CCDC170: variants seen among roughly 807,000 people sequenced by gnomAD.
CCDC170 encodes coiled-coil domain-containing protein 170.
CCDC170 carries 69 observed loss-of-function variants against 72.6 expected under a neutral mutation model. The observed-to-expected ratio is 0.95, with a 90% CI of 0.78 to 1.16. The LOEUF is 1.16. Ranked by LOEUF, CCDC170 falls within the 50% of genes most tolerant of loss-of-function variation. The pLI, the probability that CCDC170 is intolerant of heterozygous loss-of-function variation, is 0.00. For missense variants in CCDC170, 852 were observed against 832.5 expected (o/e 1.02, Z -0.29); for synonymous variants, 300 against 303.9 (o/e 0.99, Z 0.13).
chr6:151,534,608 A>G (rs9383580), intron 1 of CCDC170, among the ~76,000 whole-genome samples: 7,587 of 152,160 alleles, frequency 0.05, 669 homozygotes, highest in East Asian at 0.4. Flanking sequence ...CTAATAAGAG[A>G]TTCAGTTAAA....
At chr6:151,568,873 A>AT (rs1776177749) in intron 5 of CCDC170, among the ~76,000 whole-genome samples, 1 of 152,206 alleles carries the variant, frequency 6.6e-6, no homozygotes, top group Admixed American at 6.5e-5. Context: ...CTTTTGCTAT[A>AT]TTATAATTGG....
intron 9 of CCDC170, among the ~76,000 whole-genome samples, chr6:151,605,981 A>G (rs1251835496): frequency 1.3e-5 from 2 of 150,790 alleles, no homozygotes; most frequent in Non-Finnish European, 3.0e-5. Flanking sequence ...AGCTCACTGC[A>G]ACCTCTGCCT....
At chr6:151,530,442 A>T (rs74418838) in intron 1 of CCDC170, among the ~76,000 whole-genome samples, 5,174 of 149,370 alleles carry the variant, frequency 0.035, 191 homozygotes, top group East Asian at 0.22. Context: ...TAATAATAAT[A>T]ATTATTATTA....
intron 1 of CCDC170, among the ~76,000 whole-genome samples, chr6:151,528,579 C>T (rs1782445518): frequency 6.6e-6 from 1 of 152,156 alleles, no homozygotes. Context: ...GGTGTGGTGG[C>T]TCATGCCTGT....
intron 1 of CCDC170, among the ~76,000 whole-genome samples, chr6:151,515,220 A>G (rs2115028985): frequency 6.6e-6 from 1 of 152,356 alleles, no homozygotes; most frequent in African/African-American, 2.4e-5. Flanking sequence ...ACCCTGTTTT[A>G]GGCATTGGCA....
At chr6:151,576,400 A>T (rs1174485120) in intron 6 of CCDC170, among the ~76,000 whole-genome samples, 1 of 151,550 alleles carries the variant, frequency 6.6e-6, no homozygotes, top group Non-Finnish European at 1.5e-5. Context: ...GTACTTCAAT[A>T]GCTAATTTTT....
At chr6:151,583,974 C>A (rs542384000) in intron 6 of CCDC170, among the ~76,000 whole-genome samples, 2 of 152,240 alleles carry the variant, frequency 1.3e-5, no homozygotes, top group East Asian at 3.9e-4. Flanking sequence ...ATAGTAACAT[C>A]AAAGATCTCC....
At chr6:151,500,870 G>A (rs1286531675) in intron 1 of CCDC170, among the ~76,000 whole-genome samples, 1 of 152,084 alleles carries the variant, frequency 6.6e-6, no homozygotes, top group African/African-American at 2.4e-5. Context: ...TTAGTATTTT[G>A]TAGATCAACC....
At chr6:151,513,044 ACTTT>A (rs1782170994) in intron 1 of CCDC170, among the ~76,000 whole-genome samples, 1 of 152,172 alleles carries the variant, frequency 6.6e-6, no homozygotes, top group South Asian at 2.1e-4. Context: ...CAGAGAAACA[ACTTT>A]CCTCATCCTA....
chr6:151,613,319 C>A (rs1456670086), intron 9 of CCDC170, among the ~76,000 whole-genome samples: 1 of 152,200 alleles, frequency 6.6e-6, no homozygotes, highest in Non-Finnish European at 1.5e-5. Context: ...ACAAGAATTG[C>A]TCGAAACCAG....
intron 9 of CCDC170, among the ~76,000 whole-genome samples, chr6:151,603,626 A>C (rs1776742678): frequency 6.6e-6 from 1 of 152,192 alleles, no homozygotes; most frequent in Non-Finnish European, 1.5e-5. Context: ...GAAACACCCC[A>C]TGATATCAGT....
intron 9 of CCDC170, among the ~76,000 whole-genome samples, chr6:151,611,148 C>T (rs745762378): frequency 3.9e-5 from 6 of 152,002 alleles, no homozygotes; most frequent in East Asian, 3.9e-4. Context: ...TGGTGGCGTG[C>T]GCCTGCAGTC....
intron 4 of CCDC170, among the ~76,000 whole-genome samples, chr6:151,545,467 C>T (rs1485501724): frequency 6.6e-6 from 1 of 152,028 alleles, no homozygotes; most frequent in Non-Finnish European, 1.5e-5. Flanking sequence ...TGGTAGATTA[C>T]CATTAAGTCA....
chr6:151,602,015 C>G (rs1259021741), intron 9 of CCDC170, among the ~76,000 whole-genome samples: 1 of 152,190 alleles, frequency 6.6e-6, no homozygotes, highest in Non-Finnish European at 1.5e-5. Flanking sequence ...CCACTTTTGG[C>G]TATTCTGAAC....
At chr6:151,615,289 T>G (rs1776942843) in intron 9 of CCDC170, among the ~76,000 whole-genome samples, 154 bp from the exon 10 acceptor site, 1 of 152,236 alleles carries the variant, frequency 6.6e-6, no homozygotes, top group Admixed American at 6.5e-5. Flanking sequence ...CCAGCACATA[T>G]GCTTAGCAAA....
At chr6:151,521,725 A>T (rs9371529) in intron 1 of CCDC170, among the ~76,000 whole-genome samples, 48,546 of 151,964 alleles carry the variant, frequency 0.32, 9,684 homozygotes, top group African/African-American at 0.56. Flanking sequence ...GGCTCACGCC[A>T]GTAATCCCAG....
Position 151,617,974 on chromosome 6 carries a change from C to T in CCDC170, c.1975C>T (p.Gln659Ter). 1.2e-6 allele frequency: 2 copies of T among 1,613,894 alleles called. No homozygotes were observed. The highest frequency in any genetic ancestry group is 1.7e-6 in the Non-Finnish European group (2 of 1,179,848). The change falls in exon 11 of 11, where the codon CAG becomes TAG. Residue 659 changes from glutamine (Q) to a stop codon, truncating the protein, a stop_gained. Transcript: ENST00000239374. LOFTEE classifies it high-confidence loss of function. ...GGCAGACTTCAGGGAGGTGGTGTCG[C>T]AGATGCTAGGCTTGAACGTGACCAG... is the stretch of plus-strand genomic sequence containing the variant. ...QLADFREVVS[Q>*]MLGLNVTSLA...
chr6:151,560,616 G>T (rs1232320082), intron 5 of CCDC170, among the ~76,000 whole-genome samples: 2 of 152,038 alleles, frequency 1.3e-5, no homozygotes, highest in East Asian at 3.8e-4. Flanking sequence ...TCTATTAATA[G>T]TAGTATTTTA....
intron 9 of CCDC170, among the ~76,000 whole-genome samples, chr6:151,601,649 C>A (rs1279391873): frequency 3.3e-5 from 5 of 152,024 alleles, no homozygotes; most frequent in Non-Finnish European, 4.4e-5. Flanking sequence ...TTGGCTCATG[C>A]AATTATGGAG....
Sources: gnomAD v4.1 joint callset for allele counts (sites outside exome capture counted in the v4.1 genomes callset) on GRCh38, gnomAD v4.1.1 for gene constraint, MANE v1.5 for transcripts, NCBI Gene and HGNC (gene_info 2026-07-23, HGNC 2026-07-21) for gene names.